Variants in LINGO2 observed in about 807,000 individuals in gnomAD.
The protein encoded by LINGO2 is leucine rich repeat and Ig domain containing 2.
Under a neutral mutation model 30.6 loss-of-function variants are expected in LINGO2, and 14 were observed. The ratio of observed to expected loss-of-function variants is 0.46; its 90% confidence interval spans 0.30 to 0.72. The LOEUF (loss-of-function observed/expected upper bound fraction) is 0.72, where lower values mean the gene tolerates loss of function less well. LINGO2 is among the 30% of genes least tolerant of loss of function. The probability of loss-of-function intolerance (pLI) is 0.07; values close to 1 mark genes in which losing one functional copy is unlikely to be tolerated. For missense variants in LINGO2, 729 were observed against 751.7 expected, an observed-to-expected ratio of 0.97 and a Z score of 0.35; for synonymous variants, 317 against 288.5, an observed-to-expected ratio of 1.10 and a Z score of -1.00.
intron 1 of LINGO2, among the ~76,000 whole-genome samples, chr9:28,608,542 A>G (rs1825786640): frequency 6.6e-6 from 1 of 152,004 alleles, no homozygotes; most frequent in East Asian, 1.9e-4. Flanking sequence ...TGCTTTTTAA[A>G]ACAGAAAAAT....
At chr9:28,938,696 G>A in the LINGO2 span, among the ~76,000 whole-genome samples, 2 of 152,232 alleles carry the variant, frequency 1.3e-5, no homozygotes, top group East Asian at 3.9e-4. Context: ...GGAGCAATAG[G>A]CTACACCATA....
In LINGO2 at chr9:28,651,833, ATTC is replaced by A. The variant is rs1431907692; in HGVS notation, c.-365+18364_-365+18366del. Among the ~76,000 whole-genome samples the A allele has an allele frequency of 1.3e-5, 2 of 152,116 alleles. 1 individual carries two copies. Among genetic ancestry groups the A allele is most frequent in the Non-Finnish European group, 2.9e-5 (2 of 68,010 alleles). ...CCATTACTACAGAAACATCCATTTA[ATTC>A]TTCTGCCTCTCCAACCTCCGACAAT... On this transcript the variant is annotated intron_variant, in intron 1 of 5. Coordinates refer to ENST00000379992, the Ensembl canonical transcript of LINGO2.
At chr9:28,103,272 T>A (rs1563976242) in intron 4 of LINGO2, among the ~76,000 whole-genome samples, 1 of 152,172 alleles carries the variant, frequency 6.6e-6, no homozygotes. Context: ...TTTATTTACA[T>A]GTGCTGTGTT....
At chr9:28,493,014 G>A (rs1457926853) in intron 1 of LINGO2, among the ~76,000 whole-genome samples, 1 of 152,022 alleles carries the variant, frequency 6.6e-6, no homozygotes, top group African/African-American at 2.4e-5. Context: ...GACAGATGGG[G>A]GCTCATGTTT....
chr9:28,241,395 C>T (rs549883292), intron 4 of LINGO2, among the ~76,000 whole-genome samples: 17 of 151,546 alleles, frequency 1.1e-4, no homozygotes, highest in African/African-American at 4.1e-4. Context: ...AAACAGTGTG[C>T]AAGTCCTGCA....
At chr9:28,572,906 G>C (rs144971734) in intron 1 of LINGO2, among the ~76,000 whole-genome samples, 42 of 152,196 alleles carry the variant, frequency 2.8e-4, no homozygotes, top group African/African-American at 9.1e-4. Flanking sequence ...TTCAAAGTAA[G>C]ATTGCTTTAT....
chr9:29,064,813 T>A, the LINGO2 span, among the ~76,000 whole-genome samples: 8 of 152,104 alleles, frequency 5.3e-5, no homozygotes, highest in African/African-American at 1.9e-4. Context: ...GACTGACTTA[T>A]AAATCTATGT....
chr9:29,187,126 C>A, the LINGO2 span, among the ~76,000 whole-genome samples: 1 of 152,082 alleles, frequency 6.6e-6, no homozygotes, highest in Non-Finnish European at 1.5e-5. Flanking sequence ...GAGAGCAGGT[C>A]GAGTACTCTC....
intron 4 of LINGO2, among the ~76,000 whole-genome samples, chr9:28,090,167 T>C (rs557170899): frequency 6.6e-6 from 1 of 152,288 alleles, no homozygotes; most frequent in African/African-American, 2.4e-5. Context: ...CTTCTGAAAC[T>C]ATTCCAATCA....
chr9:29,038,404 T>C, the LINGO2 span, among the ~76,000 whole-genome samples: 2 of 152,048 alleles, frequency 1.3e-5, no homozygotes, highest in South Asian at 4.1e-4. Flanking sequence ...GGCATAGGAG[T>C]GGGACTATTT....
At chr9:28,756,248 C>G in the LINGO2 span, among the ~76,000 whole-genome samples, 1 of 151,994 alleles carries the variant, frequency 6.6e-6, no homozygotes, top group African/African-American at 2.4e-5. Flanking sequence ...TAATGACTGC[C>G]TCACTGGATT....
chr9:28,614,219 TA>T (rs780333651), intron 1 of LINGO2, among the ~76,000 whole-genome samples: 24 of 152,240 alleles, frequency 1.6e-4, no homozygotes, highest in Middle Eastern at 3.4e-3. Context: ...TGGACACAAG[TA>T]CAAGAGCATC....
intron 3 of LINGO2, among the ~76,000 whole-genome samples, chr9:28,307,208 A>G (rs1021297939): frequency 4.1e-4 from 63 of 152,140 alleles, no homozygotes; most frequent in African/African-American, 1.4e-3. Context: ...GAATCCAGCA[A>G]CACATCAAAA....
chr9:28,236,529 T>C (rs1359078355), intron 4 of LINGO2, among the ~76,000 whole-genome samples: 2 of 152,122 alleles, frequency 1.3e-5, no homozygotes, highest in African/African-American at 2.4e-5. Context: ...TTTTGAGACA[T>C]AGACAGTACA....
At chr9:28,071,580 G>T (rs1825478713) in intron 4 of LINGO2, among the ~76,000 whole-genome samples, 1 of 151,000 alleles carries the variant, frequency 6.6e-6, no homozygotes, top group Non-Finnish European at 1.5e-5. Context: ...AATCATACGA[G>T]ATAATTTTTA....
chr9:28,054,570 TTAG>T (rs1442147158), intron 4 of LINGO2, among the ~76,000 whole-genome samples: 2 of 152,146 alleles, frequency 1.3e-5, no homozygotes, highest in Non-Finnish European at 2.9e-5. Flanking sequence ...TTAAAAAATT[TTAG>T]AAGAAAAACT....
the LINGO2 span, among the ~76,000 whole-genome samples, chr9:29,017,368 C>T: frequency 6.6e-6 from 1 of 152,110 alleles, no homozygotes; most frequent in South Asian, 2.1e-4. Flanking sequence ...TGATTCTCAG[C>T]TTTTTGAAAT....
At chr9:28,622,365 A>G (rs1039285723) in intron 1 of LINGO2, among the ~76,000 whole-genome samples, 3 of 151,468 alleles carry the variant, frequency 2.0e-5, no homozygotes, top group Non-Finnish European at 4.4e-5. Context: ...ACTTGTTTTT[A>G]TTTTTTATTT....
chr9:27,984,909 T>C (rs1821051226), intron 5 of LINGO2, among the ~76,000 whole-genome samples: 1 of 151,900 alleles, frequency 6.6e-6, no homozygotes, highest in South Asian at 2.1e-4. Context: ...TATCACAGTA[T>C]ATTTTAGGCA....
Sources: allele counts gnomAD v4.1 joint callset (sites outside exome capture counted in the v4.1 genomes callset), GRCh38; gene constraint gnomAD v4.1.1; transcripts MANE v1.5; gene names NCBI Gene and HGNC (gene_info 2026-07-23, HGNC 2026-07-21).